Variants in NDUFS4 observed in about 807,000 individuals in gnomAD.
The protein encoded by NDUFS4 is NADH dehydrogenase [ubiquinone] iron-sulfur protein 4, mitochondrial.
Under a neutral mutation model 24.3 loss-of-function variants are expected in NDUFS4, and 28 were observed. The ratio of observed to expected loss-of-function variants is 1.15; its 90% CI spans 0.85 to 1.58. The LOEUF (loss-of-function observed/expected upper bound fraction) is 1.58. Ranked by LOEUF, NDUFS4 falls within the 40% of genes most tolerant of loss-of-function variation. NDUFS4 has a pLI of 0.00. For missense variants in NDUFS4, 223 were observed against 207.9 expected (o/e 1.07, Z -0.45); for synonymous variants, 93 against 69.7 (o/e 1.34, Z -1.67).
At chr5:53,665,746 A>G (rs79464644) in intron 4 of NDUFS4, among the ~76,000 whole-genome samples, 91 of 152,316 alleles carry the variant, frequency 6.0e-4, no homozygotes, top group African/African-American at 2.2e-3. Context: ...TGACTAGGAA[A>G]GGGAATTCCC....
At chr5:53,589,992 A>T (rs576223890) in intron 1 of NDUFS4, among the ~76,000 whole-genome samples, 1 of 152,278 alleles carries the variant, frequency 6.6e-6, no homozygotes, top group East Asian at 1.9e-4. Context: ...CTCCCTTGTT[A>T]GTTGTGTCCC....
intron 4 of NDUFS4, among the ~76,000 whole-genome samples, chr5:53,665,335 AC>A: frequency 6.6e-6 from 1 of 152,296 alleles, no homozygotes; most frequent in South Asian, 2.1e-4. Context: ...TGCTAGGAGA[AC>A]CACTACTCTT....
chr5:53,573,682 G>C, intron 1 of NDUFS4: 1 of 393,428 alleles, frequency 2.5e-6, no homozygotes, highest in East Asian at 8.5e-5. Context: ...CTGAGCTCCT[G>C]GGCTTAAGCA....
chr5:53,650,899 G>A (rs1751996040), intron 3 of NDUFS4, among the ~76,000 whole-genome samples: 1 of 152,150 alleles, frequency 6.6e-6, no homozygotes, highest in Non-Finnish European at 1.5e-5. Flanking sequence ...AATATGTAGT[G>A]ATTTAATACT....
chr5:53,676,362 C>T (rs1208206105), intron 4 of NDUFS4, among the ~76,000 whole-genome samples: 3 of 152,164 alleles, frequency 2.0e-5, no homozygotes, highest in East Asian at 3.9e-4. Context: ...TGGTTAGGTT[C>T]CTGCAGGCCT....
intron 4 of NDUFS4, among the ~76,000 whole-genome samples, chr5:53,661,960 C>G (rs1396779445): frequency 6.6e-6 from 1 of 152,140 alleles, no homozygotes; most frequent in Non-Finnish European, 1.5e-5. Context: ...AATTTGACTT[C>G]CTCTTTTCCT....
chr5:53,583,146 G>A (rs1175242818), intron 1 of NDUFS4, among the ~76,000 whole-genome samples: 1 of 151,976 alleles, frequency 6.6e-6, no homozygotes, highest in Non-Finnish European at 1.5e-5. Flanking sequence ...CAAAGTGCTG[G>A]GATTGCAGGT....
chr5:53,622,166 G>C (rs899653451), intron 2 of NDUFS4, among the ~76,000 whole-genome samples: 1 of 152,060 alleles, frequency 6.6e-6, no homozygotes. Context: ...AGCCTAAAGA[G>C]CCTTATTTAA....
intron 2 of NDUFS4, among the ~76,000 whole-genome samples, chr5:53,608,099 T>C (rs1750584023): frequency 6.6e-6 from 1 of 152,196 alleles, no homozygotes; most frequent in African/African-American, 2.4e-5. Flanking sequence ...AATGCCACAA[T>C]AAAGTGAGTC....
intron 4 of NDUFS4, among the ~76,000 whole-genome samples, chr5:53,669,159 C>CTA (rs1752600012): frequency 6.6e-6 from 1 of 152,128 alleles, no homozygotes; most frequent in African/African-American, 2.4e-5. Context: ...GACCTCTAGT[C>CTA]TAAACTGTTA....
At chr5:53,675,085 T>C (rs1740416882) in intron 4 of NDUFS4, among the ~76,000 whole-genome samples, 1 of 151,820 alleles carries the variant, frequency 6.6e-6, no homozygotes, top group Admixed American at 6.6e-5. Flanking sequence ...CATTTTCTTC[T>C]CTGAAAATTT....
At chr5:53,658,784 CA>C (rs35754713) in intron 4 of NDUFS4, 160 bp downstream of exon 4, 3,079 of 137,796 alleles carry the variant, frequency 0.022, no homozygotes, top group Middle Eastern at 0.054. Flanking sequence ...CACCCACCTC[CA>C]AAAAAAAAAA....
intron 1 of NDUFS4, among the ~76,000 whole-genome samples, chr5:53,585,484 G>A (rs1270968479): frequency 2.0e-5 from 3 of 152,124 alleles, no homozygotes; most frequent in African/African-American, 7.2e-5. Context: ...GGTGGCTCAC[G>A]CCTGTAATCC....
chr5:53,611,715 T>C (rs1750704787), intron 2 of NDUFS4, among the ~76,000 whole-genome samples: 1 of 152,054 alleles, frequency 6.6e-6, no homozygotes, highest in Non-Finnish European at 1.5e-5. Flanking sequence ...AGCTGTGCCA[T>C]GAGGTTAGGT....
chr5:53,610,950 G>A (rs551227447), intron 2 of NDUFS4, among the ~76,000 whole-genome samples: 23 of 152,200 alleles, frequency 1.5e-4, no homozygotes, highest in African/African-American at 5.3e-4. Flanking sequence ...TGGATTTCAT[G>A]GAGAGCTAAA....
chr5:53,644,444 A>G (rs972392340), intron 2 of NDUFS4, among the ~76,000 whole-genome samples: 2 of 152,162 alleles, frequency 1.3e-5, no homozygotes, highest in African/African-American at 4.8e-5. Context: ...ATAATATTAA[A>G]TAATAAACTA....
intron 1 of NDUFS4, among the ~76,000 whole-genome samples, 172 bp from the exon 2 acceptor site, chr5:53,603,280 C>A (rs1433524074): frequency 2.6e-5 from 4 of 151,002 alleles, no homozygotes; most frequent in Non-Finnish European, 4.4e-5. Context: ...ACTCAGCAGA[C>A]AGAACTAATT....
intron 2 of NDUFS4, among the ~76,000 whole-genome samples, chr5:53,632,363 C>T (rs538909237): frequency 2.3e-4 from 35 of 152,258 alleles, no homozygotes; most frequent in Admixed American, 3.9e-4. Flanking sequence ...CTTCTTCTTA[C>T]GTTTTACCTT....
chr5:53,606,868 T>G (rs1750530353), intron 2 of NDUFS4, among the ~76,000 whole-genome samples: 1 of 152,232 alleles, frequency 6.6e-6, no homozygotes, highest in African/African-American at 2.4e-5. Flanking sequence ...GGCATAGTAT[T>G]TGCATATAAC....
Sources: gnomAD v4.1 joint callset for allele counts (sites outside exome capture counted in the v4.1 genomes callset) on GRCh38, gnomAD v4.1.1 for gene constraint, MANE v1.5 for transcripts, NCBI Gene and HGNC (gene_info 2026-07-23, HGNC 2026-07-21) for gene names.